KCTD9: variants seen among roughly 807,000 people sequenced by gnomAD.
KCTD9 encodes potassium channel tetramerization domain containing 9, also known as BTB/POZ domain-containing protein KCTD9.
Under a neutral mutation model 53.3 loss-of-function variants are expected in KCTD9, and 17 were observed. The observed-to-expected ratio is 0.32, with a 90% CI of 0.22 to 0.48. The LOEUF (loss-of-function observed/expected upper bound fraction) is 0.48. Among genes scored for constraint, KCTD9 ranks in the 20% least tolerant of loss-of-function variants. The pLI, the probability that KCTD9 is intolerant of heterozygous loss-of-function variation, is 0.99. For synonymous variants in KCTD9, 128 were observed against 162.7 expected, an observed-to-expected ratio of 0.79 and a Z score of 1.62; for missense variants, 179 against 465.5, an observed-to-expected ratio of 0.38 and a Z score of 5.66.
At position 25,458,315 on chromosome 8, in the gene KCTD9, C is replaced by T; in HGVS notation, c.-69G>A. 7 of 1,534,944 alleles carry T rather than the reference C, an allele frequency of 4.6e-6. No homozygotes were observed. The highest frequency in any genetic ancestry group is 1.1e-5 in the South Asian group (1 of 88,824). On this transcript the variant is annotated 5_prime_UTR_variant, in exon 1 of 12. Transcript: ENST00000221200. ...CCTGGTCCTCCTCCCACCTTTTTCTCCTCCCGCCCTTCCCCTCCCTCCACC... is the reference window on the plus strand; with the variant it reads ...CCTGGTCCTCCTCCCACCTTTTTCTTCTCCCGCCCTTCCCCTCCCTCCACC...
intron 1 of KCTD9, among the ~76,000 whole-genome samples, chr8:25,447,259 G>A (rs1030861844): frequency 1.3e-5 from 2 of 152,084 alleles, no homozygotes; most frequent in African/African-American, 4.8e-5. Context: ...CAGGTGTGGT[G>A]GTGTATGCCT....
At chr8:25,440,982 A>G (rs537206276) in intron 3 of KCTD9, among the ~76,000 whole-genome samples, 13 of 152,342 alleles carry the variant, frequency 8.5e-5, no homozygotes, top group Admixed American at 2.6e-4. Flanking sequence ...TCATTGCTTA[A>G]TAAGTCTAGC....
At chr8:25,455,934 A>T (rs1339358632) in intron 1 of KCTD9, among the ~76,000 whole-genome samples, 1 of 152,244 alleles carries the variant, frequency 6.6e-6, no homozygotes, top group Non-Finnish European at 1.5e-5. Flanking sequence ...CTGACCTCCA[A>T]TAAATCGTCT....
chr8:25,428,670 A>G lies in KCTD9; in HGVS notation c.*1187T>C, dbSNP rs1342300860. ...AAAATTTGTTTAAAAAAAAAAAACC[A>G]CAAAAAAATAAGTAAAAGAATCACA... On this transcript the variant is annotated 3_prime_UTR_variant, in exon 12 of 12. Coordinates refer to ENST00000221200, the MANE Select transcript of KCTD9 (RefSeq NM_017634.4). 1 of 151,716 alleles carries G rather than the reference A, an allele frequency of 6.6e-6. No individual in the cohort carries two copies. The highest frequency in any genetic ancestry group is 1.9e-4 in the East Asian group (1 of 5,180). 9.4% of individuals were successfully genotyped at this position (151,716 alleles called of 1,614,324 possible). A position where few individuals can be genotyped will look rare whatever the true frequency, so the allele number is the denominator to read the frequency against.
intron 6 of KCTD9, 143 bp from the exon 7 acceptor site, chr8:25,436,628 A>G (rs894145175): frequency 1.9e-6 from 1 of 530,878 alleles, no homozygotes; most frequent in Non-Finnish European, 3.3e-6. Context: ...CAGGTTTGCC[A>G]CAAGTATCTT....
At chr8:25,444,048 A>G (rs1318721014) in intron 3 of KCTD9, among the ~76,000 whole-genome samples, 3 of 152,200 alleles carry the variant, frequency 2.0e-5, no homozygotes, top group African/African-American at 7.2e-5. Flanking sequence ...TGTTACAGTT[A>G]ATGAATATGT....
chr8:25,456,908 C>T (rs1356999527), intron 1 of KCTD9, among the ~76,000 whole-genome samples: 1 of 152,128 alleles, frequency 6.6e-6, no homozygotes, highest in African/African-American at 2.4e-5. Context: ...TTTGAACATA[C>T]TAAATCTTTC....
At chr8:25,433,824 T>C (rs1563245001) in intron 9 of KCTD9, among the ~76,000 whole-genome samples, 1 of 152,154 alleles carries the variant, frequency 6.6e-6, no homozygotes, top group Non-Finnish European at 1.5e-5. Context: ...ATAGACTTGT[T>C]AGGGGTATGG....
intron 6 of KCTD9, among the ~76,000 whole-genome samples, chr8:25,437,847 CAAAAAAAAAAAAAAAAAAAAA>C (rs59540797): frequency 1.6e-5 from 1 of 62,544 alleles, no homozygotes; most frequent in Non-Finnish European, 2.8e-5. Flanking sequence ...GACCCTGTCT[CAAAAAAAAAAAAAAAAAAAAA>C]AAAAAAAAAA....
rs192792573 is a variant in KCTD9 at position 25,433,702 on chromosome 8, C to T, written c.814-267G>A. Among the ~76,000 whole-genome samples, 461 of 152,150 alleles carry T rather than the reference C, an allele frequency of 3.0e-3. 2 individuals are homozygous for T. The highest frequency in any genetic ancestry group is 4.0e-3 in the Non-Finnish European group (275 of 68,008). On this transcript the variant is annotated intron_variant, in intron 9 of 11. Transcript: ENST00000221200. ...CATGCTCATTTTACATGAAACATAA[C>T]GGTTTAGATAAAGAAGTTGGGTGAG...
At position 25,436,259 on chromosome 8, in the gene KCTD9, T is replaced by C. The variant is rs745632181; in HGVS notation, c.639A>G (p.Pro213=). The C allele has an allele frequency of 1.1e-5, 18 of 1,609,146 alleles. No individual in the cohort carries two copies. In the East Asian group the frequency reaches 4.0e-4, roughly 36 times the overall value. The change falls in exon 8 of 12, where the codon CCA becomes CCG. Residue 213 remains proline, a synonymous_variant. Transcript: ENST00000221200. ...CCTGGCATCGCAGTTCTGACTTGGT[T>C]GGAGTTGCTAGCAAAAATCGGACAA... The part of the protein sequence containing the change: ...KEFVRFLLAT[P]TKSELRCQGL...
At chr8:25,431,975 T>C (rs1227808090) in intron 11 of KCTD9, among the ~76,000 whole-genome samples, 1 of 152,198 alleles carries the variant, frequency 6.6e-6, no homozygotes, top group Admixed American at 6.5e-5. Context: ...GTAGCTACTA[T>C]ACTGAACAGC....
intron 1 of KCTD9, among the ~76,000 whole-genome samples, chr8:25,450,802 T>C (rs1361557152): frequency 1.3e-5 from 2 of 152,198 alleles, no homozygotes; most frequent in Non-Finnish European, 2.9e-5. Context: ...AGTTTTTTGC[T>C]TTATTTTGTT....
At position 25,428,043 on chromosome 8, in the gene KCTD9, T is replaced by C. The variant is rs536701830; in HGVS notation, c.*1814A>G. The C allele has an allele frequency of 6.6e-6, 1 of 152,578 alleles. No individual in the cohort carries two copies. The highest frequency in any genetic ancestry group is 1.9e-4 in the East Asian group (1 of 5,192). The allele number at this position is 152,578 out of a possible 1,614,324, so 9.5% of individuals were successfully genotyped here. A position where few individuals can be genotyped will look rare whatever the true frequency, so the allele number is the denominator to read the frequency against. On this transcript the variant is annotated 3_prime_UTR_variant, in exon 12 of 12. Coordinates refer to ENST00000221200, the MANE Select transcript of KCTD9 (RefSeq NM_017634.4). ...ACTCCTTTTCAACAAACACTTTATA[T>C]CATTTATTAATGCAGTATACATTAG...
chr8:25,449,768 C>A (rs992439241), intron 1 of KCTD9, among the ~76,000 whole-genome samples: 1 of 150,238 alleles, frequency 6.7e-6, no homozygotes, highest in African/African-American at 2.5e-5. Context: ...TTGAATAGCA[C>A]AAATTTCCAT....
intron 1 of KCTD9, among the ~76,000 whole-genome samples, chr8:25,452,015 G>A (rs1215226448): frequency 6.6e-6 from 1 of 152,090 alleles, no homozygotes; most frequent in Non-Finnish European, 1.5e-5. Context: ...AAGTTGTTAT[G>A]ATAAATACAC....
rs768624898 is a variant in KCTD9 at position 25,436,293 on chromosome 8, C to A, written c.605G>T (p.Arg202Leu). 1 of 1,612,332 alleles carries A rather than the reference C, an allele frequency of 6.2e-7. No individual in the cohort carries two copies. Among genetic ancestry groups the A allele is most frequent in the African/African-American group, 1.3e-5 (1 of 74,842 alleles). Residue 202 changes from arginine (R) to leucine (L), a missense_variant, in exon 8 of 12, where the codon CGA becomes CTA. Physicochemically the swap from Arg to Leu is moderately radical, Grantham distance 102 (BLOSUM62 -2). Transcript: ENST00000221200. ...QPPEDHSPIS[R>L]KEFVRFLLAT... ...TAGCAAAAATCGGACAAATTCCTTT[C>A]GGGATATTGGTGAATGATCCTCCGG... is the stretch of plus-strand genomic sequence containing the variant.
At chr8:25,430,992 G>T (rs1563244225) in intron 11 of KCTD9, among the ~76,000 whole-genome samples, 1 of 151,994 alleles carries the variant, frequency 6.6e-6, no homozygotes, top group Non-Finnish European at 1.5e-5. Flanking sequence ...ACCACGCCTG[G>T]CTAATTTTTT....
chr8:25,432,683 T>C (rs1801951425), intron 10 of KCTD9, 46 bp from the exon 11 acceptor site: 1 of 1,554,254 alleles, frequency 6.4e-7, no homozygotes, highest in African/African-American at 1.4e-5. Flanking sequence ...AAAATATAGT[T>C]ATCTACCTTC....
Sources: allele counts gnomAD v4.1 joint callset (sites outside exome capture counted in the v4.1 genomes callset), GRCh38; gene constraint gnomAD v4.1.1; transcripts MANE v1.5; gene names NCBI Gene and HGNC (gene_info 2026-07-23, HGNC 2026-07-21).